Variants in EXOSC7 observed in about 807,000 individuals in gnomAD.
EXOSC7 encodes exosome complex component RRP42.
EXOSC7 carries 25 observed loss-of-function variants against 34.3 expected under a neutral mutation model. That is an observed-to-expected ratio of 0.73 (90% confidence interval 0.53 to 1.02). The LOEUF (loss-of-function observed/expected upper bound fraction) is 1.02. Ranked by LOEUF, EXOSC7 falls within the 50% of genes least tolerant of loss-of-function variation. EXOSC7 has a pLI of 0.00. For missense variants in EXOSC7, 370 were observed against 368.5 expected (o/e 1.00, Z -0.03); for synonymous variants, 130 against 143.0 (o/e 0.91, Z 0.65).
At chr3:44,988,346 AT>A (rs1234794038) in intron 1 of EXOSC7, among the ~76,000 whole-genome samples, 1 of 152,236 alleles carries the variant, frequency 6.6e-6, no homozygotes, top group African/African-American at 2.4e-5. Context: ...AAAGATACCA[AT>A]GAGTTGTACT....
chr3:45,007,274 T>C, intron 6 of EXOSC7, 146 bp from the exon 7 acceptor site: 1 of 789,818 alleles, frequency 1.3e-6, no homozygotes, highest in Non-Finnish European at 2.0e-6. Context: ...TCAGCTGTTT[T>C]CCTCGTGAGC....
intron 3 of EXOSC7, among the ~76,000 whole-genome samples, chr3:44,995,426 T>C (rs1488600749): frequency 2.6e-5 from 4 of 152,222 alleles, no homozygotes; most frequent in Non-Finnish European, 5.9e-5. Flanking sequence ...CCCACTACAT[T>C]CAGGGAAAGG....
At chr3:44,981,021 C>T (rs904801602) in intron 1 of EXOSC7, among the ~76,000 whole-genome samples, 6 of 152,324 alleles carry the variant, frequency 3.9e-5, no homozygotes, top group Admixed American at 1.3e-4. Context: ...GCTAACCTCC[C>T]TCTTAGCCCA....
chr3:44,990,501 G>A (rs1706539778), intron 3 of EXOSC7, among the ~76,000 whole-genome samples: 2 of 152,068 alleles, frequency 1.3e-5, no homozygotes, highest in Non-Finnish European at 1.5e-5. Flanking sequence ...GGATCTCTGT[G>A]GGCTCATGCT....
chr3:44,999,383 G>A (rs1477975885), intron 4 of EXOSC7, among the ~76,000 whole-genome samples: 1 of 152,174 alleles, frequency 6.6e-6, no homozygotes, highest in Non-Finnish European at 1.5e-5. Context: ...GAAGACATGA[G>A]CTTTTAAAAT....
chr3:44,999,904 C>A (rs1339921584), intron 4 of EXOSC7, among the ~76,000 whole-genome samples: 3 of 152,108 alleles, frequency 2.0e-5, no homozygotes, highest in Non-Finnish European at 2.9e-5. Flanking sequence ...AGAAAAGAAA[C>A]CTCCTAATTT....
At chr3:44,976,662 C>T (rs552149582) in intron 1 of EXOSC7, among the ~76,000 whole-genome samples, 1 of 152,308 alleles carries the variant, frequency 6.6e-6, no homozygotes, top group African/African-American at 2.4e-5. Flanking sequence ...CTTGTCCGAG[C>T]CTCAGTTTTC....
intron 6 of EXOSC7, among the ~76,000 whole-genome samples, chr3:45,007,184 A>T (rs1707071867): frequency 6.6e-6 from 1 of 151,942 alleles, no homozygotes; most frequent in South Asian, 2.1e-4. Flanking sequence ...CTAGTTTTAA[A>T]CCACCTTGCC....
intron 4 of EXOSC7, among the ~76,000 whole-genome samples, chr3:44,999,329 T>G (rs1196691431): frequency 6.6e-6 from 1 of 152,216 alleles, no homozygotes; most frequent in African/African-American, 2.4e-5. Context: ...GGCATTTGGA[T>G]TTCTTCTGAA....
intron 2 of EXOSC7, 143 bp from the exon 3 acceptor site, chr3:44,989,407 T>C (rs1576008628): frequency 2.5e-6 from 2 of 804,102 alleles, no homozygotes; most frequent in East Asian, 2.6e-5. Flanking sequence ...AAAAGACTGC[T>C]CACCTCCTCC....
chr3:44,997,353 T>C, intron 4 of EXOSC7, 101 bp downstream of exon 4: 1 of 1,113,258 alleles, frequency 9.0e-7, no homozygotes, highest in Non-Finnish European at 1.3e-6. Flanking sequence ...GGTGGATGCT[T>C]TCAACTTATA....
intron 5 of EXOSC7, among the ~76,000 whole-genome samples, chr3:45,002,423 A>G (rs1267586756): frequency 1.3e-5 from 2 of 152,162 alleles, no homozygotes; most frequent in Non-Finnish European, 2.9e-5. Flanking sequence ...AATAAACATT[A>G]CACTGCTTTG....
intron 3 of EXOSC7, among the ~76,000 whole-genome samples, chr3:44,991,978 A>C (rs1362197606): frequency 6.6e-6 from 1 of 152,170 alleles, no homozygotes; most frequent in Non-Finnish European, 1.5e-5. Context: ...CCCATTTCCT[A>C]CAGAGATGGG....
chr3:45,004,232 C>T (rs369759424), intron 5 of EXOSC7: 15 of 151,718 alleles, frequency 9.9e-5, no homozygotes, highest in Admixed American at 5.2e-4. Flanking sequence ...GTAAGAGTTC[C>T]GGGTTGTTTC....
intron 3 of EXOSC7, among the ~76,000 whole-genome samples, chr3:44,993,641 C>A (rs923404517): frequency 3.3e-5 from 5 of 152,204 alleles, no homozygotes; most frequent in African/African-American, 9.6e-5. Flanking sequence ...GCTCAGTAAA[C>A]AATTTCCCAC....
chr3:44,976,266 C>A lies in EXOSC7; in HGVS notation c.-12C>A. 2 of 1,548,832 alleles carry A rather than the reference C, an allele frequency of 1.3e-6. No individual in the cohort carries two copies. The highest frequency in any genetic ancestry group is 1.7e-6 in the Non-Finnish European group (2 of 1,154,578). On this transcript the variant is annotated 5_prime_UTR_variant, in exon 1 of 8. Transcript: ENST00000265564. ...CGCAGATGACGTGCGGCTCGTGGGG[C>A]AGCTCGGCAGCATGGCGTCCGTGAC...
chr3:45,007,864 T>A (rs990720697), intron 7 of EXOSC7, among the ~76,000 whole-genome samples: 1 of 152,210 alleles, frequency 6.6e-6, no homozygotes, highest in African/African-American at 2.4e-5. Flanking sequence ...TGGACTTTCA[T>A]AATGTAAAGA....
At chr3:45,011,074 T>C (rs1025325669) in intron 7 of EXOSC7, among the ~76,000 whole-genome samples, 161 bp from the exon 8 acceptor site, 7 of 152,246 alleles carry the variant, frequency 4.6e-5, no homozygotes, top group African/African-American at 1.4e-4. Context: ...TTGGGGTCTG[T>C]GGTTTTTGTT....
rs766917214 is a variant in EXOSC7, at chr3:44,989,686, T to G, written c.254+42T>G. 13 of 1,462,644 alleles carry G rather than the reference T, an allele frequency of 8.9e-6. No individual in the cohort carries two copies. In the African/African-American group the frequency reaches 1.5e-4, roughly 17 times the overall value. 90.6% of individuals were successfully genotyped at this position (1,462,644 alleles called of 1,614,324 possible). A position where few individuals can be genotyped will look rare whatever the true frequency, so the allele number is the denominator to read the frequency against. Reference sequence around the variant, plus strand: ...CAGATATTTCTAAAGATAAATGATTTTAAAGATGAAGATTCAGAAAATGAA... The same window carrying G: ...CAGATATTTCTAAAGATAAATGATTGTAAAGATGAAGATTCAGAAAATGAA... On this transcript the variant is annotated intron_variant, in intron 3 of 7. Coordinates refer to ENST00000265564, the MANE Select transcript of EXOSC7 (RefSeq NM_015004.4).
Sources: gnomAD v4.1 joint callset for allele counts (sites outside exome capture counted in the v4.1 genomes callset) on GRCh38, gnomAD v4.1.1 for gene constraint, MANE v1.5 for transcripts, NCBI Gene and HGNC (gene_info 2026-07-23, HGNC 2026-07-21) for gene names.